Variants in SMYD3 observed in about 807,000 individuals in gnomAD.
SMYD3 encodes the protein SET and MYND domain containing 3.
A neutral mutation model predicts 57.7 loss-of-function variants in SMYD3; 36 were observed. The observed-to-expected ratio is 0.62, with a 90% CI of 0.48 to 0.82. The LOEUF (loss-of-function observed/expected upper bound fraction) is 0.82. SMYD3 is among the 40% of genes least tolerant of loss of function. SMYD3 has a pLI of 0.00. For missense variants in SMYD3, 515 were observed against 538.8 expected (o/e 0.96, Z 0.44); for synonymous variants, 211 against 195.0 (o/e 1.08, Z -0.68).
chr1:246,362,377 A>C (rs1295428652), intron 1 of SMYD3, among the ~76,000 whole-genome samples: 3 of 148,244 alleles, frequency 2.0e-5, no homozygotes, highest in African/African-American at 5.0e-5. Flanking sequence ...GTGACAAAAA[A>C]GCAGATATTT....
chr1:245,992,481 G>A (rs1056552415), intron 5 of SMYD3, among the ~76,000 whole-genome samples: 1 of 152,338 alleles, frequency 6.6e-6, no homozygotes, highest in Admixed American at 6.5e-5. Flanking sequence ...AAATCAGCAT[G>A]GTTCTAGAAT....
intron 5 of SMYD3, among the ~76,000 whole-genome samples, chr1:246,163,017 A>G (rs533071392): frequency 9.8e-5 from 15 of 152,346 alleles, no homozygotes; most frequent in African/African-American, 3.6e-4. Context: ...TTAAATGTGC[A>G]TATTCCCAGA....
At chr1:246,227,364 C>A (rs914243011) in intron 5 of SMYD3, among the ~76,000 whole-genome samples, 1 of 152,172 alleles carries the variant, frequency 6.6e-6, no homozygotes, top group Non-Finnish European at 1.5e-5. Context: ...GCCTGTAATC[C>A]CAGCACTTTG....
At chr1:246,363,214 G>C (rs1258281495) in intron 1 of SMYD3, among the ~76,000 whole-genome samples, 1 of 148,486 alleles carries the variant, frequency 6.7e-6, no homozygotes, top group Non-Finnish European at 1.5e-5. Flanking sequence ...AGTGAGGAGC[G>C]TCTCCGCCCG....
intron 11 of SMYD3, among the ~76,000 whole-genome samples, chr1:245,762,147 AC>A (rs1338164353): frequency 6.6e-6 from 1 of 152,182 alleles, no homozygotes; most frequent in Non-Finnish European, 1.5e-5. Context: ...GAACAAATAC[AC>A]CTGGCTCTGC....
intron 5 of SMYD3, among the ~76,000 whole-genome samples, chr1:246,117,683 G>C (rs999912668): frequency 1.3e-5 from 2 of 152,080 alleles, no homozygotes; most frequent in African/African-American, 4.8e-5. Flanking sequence ...GAAACTTCAA[G>C]AACCTTTTTT....
chr1:246,111,480 C>A (rs2061241343), intron 5 of SMYD3: 1 of 152,184 alleles, frequency 6.6e-6, no homozygotes, highest in African/African-American at 2.4e-5. Context: ...TTTGCTTTGC[C>A]TTAACACTCT....
In SMYD3 at chr1:246,477,971, T is replaced by G. The variant is rs543468003; in HGVS notation, c.164+29083A>C. The stretch of plus-strand genomic sequence containing the variant: ...TAGGAAATAAACATAAAAGTCAGTC[T>G]CAGCTAACCCAAGAAATATTAATAC... On this transcript the variant is annotated intron_variant, in intron 1 of 11. Transcript: ENST00000490107. 3.3e-5 allele frequency among the ~76,000 whole-genome samples: 5 copies of G among 152,328 alleles called. No individual in the cohort carries two copies. The East Asian group carries it at 9.6e-4, about 29-fold the overall frequency.
chr1:245,905,080 TA>T (rs1280343774), intron 8 of SMYD3, among the ~76,000 whole-genome samples: 1 of 151,824 alleles, frequency 6.6e-6, no homozygotes, highest in Non-Finnish European at 1.5e-5. Context: ...GGGCCCCGAA[TA>T]ACCAGCAGTG....
intron 1 of SMYD3, among the ~76,000 whole-genome samples, chr1:246,429,491 A>C (rs1026475696): frequency 1.3e-5 from 2 of 152,242 alleles, no homozygotes; most frequent in African/African-American, 4.8e-5. Flanking sequence ...TAAAACAAAA[A>C]TATGAAGTGC....
chr1:246,005,479 G>A (rs767403388), intron 5 of SMYD3, among the ~76,000 whole-genome samples: 7 of 152,184 alleles, frequency 4.6e-5, no homozygotes, highest in Non-Finnish European at 8.8e-5. Flanking sequence ...CATCTAAAAT[G>A]CGGATAGTCA....
intron 5 of SMYD3, among the ~76,000 whole-genome samples, chr1:246,267,752 C>T (rs374740862): frequency 2.0e-5 from 3 of 152,176 alleles, no homozygotes; most frequent in South Asian, 2.1e-4. Context: ...ACCTTAGGTA[C>T]GGGAGCATAC....
chr1:246,135,946 C>A (rs950490017), intron 5 of SMYD3, among the ~76,000 whole-genome samples: 2 of 152,124 alleles, frequency 1.3e-5, no homozygotes, highest in Non-Finnish European at 1.5e-5. Flanking sequence ...TTTCCAAAAT[C>A]ATCCTTTATT....
At chr1:245,793,117 G>A (rs1352146474) in intron 10 of SMYD3, among the ~76,000 whole-genome samples, 2 of 142,908 alleles carry the variant, frequency 1.4e-5, no homozygotes, top group East Asian at 4.1e-4. Flanking sequence ...AGACCATCCT[G>A]GCTAACACGG....
At chr1:245,857,886 C>T (rs1390829175) in intron 10 of SMYD3, among the ~76,000 whole-genome samples, 4 of 152,162 alleles carry the variant, frequency 2.6e-5, no homozygotes, top group Non-Finnish European at 5.9e-5. Context: ...GGGCAAAACA[C>T]CTACTGGTCT....
chr1:246,207,003 T>C (rs1272886607), intron 5 of SMYD3, among the ~76,000 whole-genome samples: 1 of 152,108 alleles, frequency 6.6e-6, no homozygotes, highest in Admixed American at 6.5e-5. Flanking sequence ...CACAGTTGAG[T>C]TCCCTAAACA....
At chr1:245,762,135 T>C (rs1436305902) in intron 11 of SMYD3, among the ~76,000 whole-genome samples, 2 of 152,250 alleles carry the variant, frequency 1.3e-5, no homozygotes, top group East Asian at 3.9e-4. Context: ...TTGAATTAAA[T>C]TGAACAAATA....
intron 5 of SMYD3, among the ~76,000 whole-genome samples, chr1:246,166,871 T>C (rs1384921895): frequency 6.6e-6 from 1 of 152,190 alleles, no homozygotes; most frequent in African/African-American, 2.4e-5. Context: ...ACCACCAACC[T>C]ATCCAGCTCC....
chr1:245,917,982 C>T (rs1424422306), intron 7 of SMYD3, among the ~76,000 whole-genome samples: 1 of 152,156 alleles, frequency 6.6e-6, no homozygotes, highest in Admixed American at 6.5e-5. Flanking sequence ...CCCTCTCTGG[C>T]AGAAAACAAA....
Sources: gnomAD v4.1 joint callset for allele counts (sites outside exome capture counted in the v4.1 genomes callset) on GRCh38, gnomAD v4.1.1 for gene constraint, MANE v1.5 for transcripts, NCBI Gene and HGNC (gene_info 2026-07-23, HGNC 2026-07-21) for gene names.